The following PTPRD variants were observed in gnomAD, a reference collection of about 807,000 sequenced individuals.
The protein encoded by PTPRD is protein tyrosine phosphatase receptor type D.
In PTPRD, 34 loss-of-function variants were observed where a neutral mutation model predicts 214.5. That is an observed-to-expected ratio of 0.16 (90% confidence interval 0.12 to 0.21). The LOEUF is 0.21. PTPRD is among the 10% of genes least tolerant of loss of function. The pLI, the probability that PTPRD is intolerant of heterozygous loss-of-function variation, is 1.00. For missense variants in PTPRD, 2,545 were observed against 2,398.7 expected, an observed-to-expected ratio of 1.06 and a Z score of -1.27; for synonymous variants, 1,128 against 845.7, an observed-to-expected ratio of 1.33 and a Z score of -5.79.
chr9:9,859,552 A>G lies in PTPRD; in HGVS notation c.-368+78955T>C, dbSNP rs1177229248. On this transcript the variant is annotated intron_variant, in intron 5 of 45. Coordinates refer to ENST00000381196, the MANE Select transcript of PTPRD (RefSeq NM_002839.4). ...TTATAATAATGATTTAGATTCCCAC[A>G]TAACTCCCCCCACCTTCAAGGAGAG... Among the ~76,000 whole-genome samples, 4 of 152,226 alleles carry G rather than the reference A, an allele frequency of 2.6e-5. No homozygotes were observed. The East Asian group carries it at 7.7e-4, about 29-fold the overall frequency.
intron 4 of PTPRD, among the ~76,000 whole-genome samples, chr9:9,964,429 T>C (rs1162551504): frequency 3.3e-5 from 5 of 152,200 alleles, no homozygotes; most frequent in African/African-American, 1.2e-4. Flanking sequence ...TCCGTATAAT[T>C]CCACATACTT....
chr9:9,474,927 T>C (rs1033059530), intron 8 of PTPRD, among the ~76,000 whole-genome samples: 1 of 152,154 alleles, frequency 6.6e-6, no homozygotes, highest in Non-Finnish European at 1.5e-5. Context: ...CCTTTCTTTC[T>C]TTCTCTGGCC....
chr9:10,509,558 TA>T (rs1360181403), intron 2 of PTPRD, among the ~76,000 whole-genome samples: 5 of 2,032 alleles, frequency 2.5e-3, no homozygotes, highest in Admixed American at 8.1e-3. Flanking sequence ...TAATAAATAT[TA>T]TATATATATA....
intron 4 of PTPRD, among the ~76,000 whole-genome samples, chr9:9,997,554 G>A (rs1043066537): frequency 6.6e-6 from 1 of 152,094 alleles, no homozygotes; most frequent in Non-Finnish European, 1.5e-5. Flanking sequence ...CTCCCAAAGT[G>A]CTGTGATTAC....
intron 8 of PTPRD, among the ~76,000 whole-genome samples, chr9:9,470,346 T>A (rs1421165945): frequency 6.6e-6 from 1 of 152,186 alleles, no homozygotes; most frequent in South Asian, 2.1e-4. Flanking sequence ...TACCACCTAT[T>A]GGAAGAAGTT....
intron 21 of PTPRD, among the ~76,000 whole-genome samples, chr9:8,509,214 C>T (rs996283067): frequency 1.3e-5 from 2 of 151,946 alleles, no homozygotes; most frequent in South Asian, 4.1e-4. Flanking sequence ...GAACAAAACA[C>T]AAATAGGCAA....
intron 5 of PTPRD, among the ~76,000 whole-genome samples, chr9:9,925,118 A>G (rs543175342): frequency 1.1e-4 from 16 of 152,272 alleles, no homozygotes; most frequent in African/African-American, 3.1e-4. Flanking sequence ...CAACTATTAT[A>G]GTAGGTTGTA....
chr9:9,169,804 C>T (rs748523506), intron 10 of PTPRD, among the ~76,000 whole-genome samples: 1 of 152,104 alleles, frequency 6.6e-6, no homozygotes, highest in Non-Finnish European at 1.5e-5. Context: ...TGTGCCCAAT[C>T]CAAAGAAAAC....
chr9:10,237,688 T>A (rs1564711471), intron 3 of PTPRD, among the ~76,000 whole-genome samples: 1 of 151,892 alleles, frequency 6.6e-6, no homozygotes, highest in African/African-American at 2.4e-5. Flanking sequence ...TGTTTCAGCA[T>A]CTCATTTCTG....
rs73401047 is a variant in PTPRD, at chr9:9,423,849, G to T, written c.-236-26367C>A. On this transcript the variant is annotated intron_variant, in intron 8 of 45. Coordinates refer to ENST00000381196, the MANE Select transcript of PTPRD (RefSeq NM_002839.4). ...TCTAGTTGATATACAGAGAAGAAAA[G>T]AATAAATAATGCAGAAAAAAATACA... 3.2e-3 allele frequency among the ~76,000 whole-genome samples: 492 copies of T among 152,154 alleles called. 2 individuals carry two copies. Among genetic ancestry groups the T allele is most frequent in the African/African-American group, 0.012 (478 of 41,522 alleles).
At chr9:8,862,455 C>G (rs2098124285) in intron 11 of PTPRD, among the ~76,000 whole-genome samples, 1 of 152,128 alleles carries the variant, frequency 6.6e-6, no homozygotes, top group Non-Finnish European at 1.5e-5. Flanking sequence ...AATTTTTTGA[C>G]CCATGTAGTT....
At position 10,357,401 on chromosome 9, in the gene PTPRD, C is replaced by A. The variant is rs927507937; in HGVS notation, c.-599-16384G>T. Among the ~76,000 whole-genome samples the A allele has an allele frequency of 2.2e-4, 33 of 152,252 alleles. 1 individual carries two copies. The highest frequency in any genetic ancestry group is 7.5e-4 in the African/African-American group (31 of 41,544). ...TCAGAATGAATTCTAGTGTTCAATG[C>A]CTTGATTTCAGGACTTGGCTTTTAC... On this transcript the variant is annotated intron_variant, in intron 2 of 45. Coordinates refer to ENST00000381196, the MANE Select transcript of PTPRD (RefSeq NM_002839.4).
intron 11 of PTPRD, among the ~76,000 whole-genome samples, chr9:8,765,011 T>C (rs374775695): frequency 5.4e-4 from 83 of 152,294 alleles, no homozygotes; most frequent in African/African-American, 1.9e-3. Context: ...TGTTCTGCTC[T>C]ATTAATTCCA....
chr9:10,145,106 T>C (rs1254249830), intron 3 of PTPRD, among the ~76,000 whole-genome samples: 1 of 152,120 alleles, frequency 6.6e-6, no homozygotes, highest in Admixed American at 6.6e-5. Flanking sequence ...AGAGTTACCC[T>C]GTGACAATGA....
At chr9:10,282,134 T>A (rs1245282396) in intron 3 of PTPRD, among the ~76,000 whole-genome samples, 2 of 152,124 alleles carry the variant, frequency 1.3e-5, no homozygotes, top group African/African-American at 4.8e-5. Flanking sequence ...TCTACTCTGG[T>A]AGAACTGGGT....
At chr9:9,219,981 T>C (rs1185773580) in intron 9 of PTPRD, among the ~76,000 whole-genome samples, 1 of 152,170 alleles carries the variant, frequency 6.6e-6, no homozygotes, top group East Asian at 1.9e-4. Flanking sequence ...TTCACAGTGA[T>C]ATACAAACTC....
In PTPRD at chr9:10,599,152, T is replaced by G. The variant is rs999739113; in HGVS notation, c.-600+13246A>C. Among the ~76,000 whole-genome samples the G allele has an allele frequency of 2.6e-5, 4 of 151,690 alleles. No individual in the cohort carries two copies. In the South Asian group the frequency reaches 8.3e-4, roughly 31 times the overall value. On this transcript the variant is annotated intron_variant, in intron 2 of 45. Transcript: ENST00000381196. ...AGTCCATGATCCAAATCTGACCCTG[T>G]AGATGAGGACCATTCCCTAGGTGAT... is the stretch of plus-strand genomic sequence containing the variant.
intron 35 of PTPRD, among the ~76,000 whole-genome samples, chr9:8,422,708 G>C (rs1052665206): frequency 2.6e-5 from 4 of 152,146 alleles, no homozygotes; most frequent in African/African-American, 9.7e-5. Flanking sequence ...GTGACAACAA[G>C]GATCAATACA....
intron 3 of PTPRD, among the ~76,000 whole-genome samples, chr9:10,150,705 A>AG (rs994618468): frequency 6.6e-6 from 1 of 151,640 alleles, no homozygotes; most frequent in Non-Finnish European, 1.5e-5. Context: ...TTAAAAAAAA[A>AG]GAAACAAAAA....
Sources: allele counts gnomAD v4.1 joint callset (sites outside exome capture counted in the v4.1 genomes callset), GRCh38; gene constraint gnomAD v4.1.1; transcripts MANE v1.5; gene names NCBI Gene and HGNC (gene_info 2026-07-23, HGNC 2026-07-21).